Variants in SLC25A48 observed in about 807,000 individuals in gnomAD.
The protein encoded by SLC25A48 is solute carrier family 25 member 48, also known as CTC-321K16.1.
A neutral mutation model predicts 32.2 loss-of-function variants in SLC25A48; 29 were observed. The ratio of observed to expected loss-of-function variants is 0.90; its 90% CI spans 0.67 to 1.23. The LOEUF (loss-of-function observed/expected upper bound fraction) is 1.23, where lower values mean the gene tolerates loss of function less well. Ranked by LOEUF, SLC25A48 falls within the 50% of genes most tolerant of loss-of-function variation. The pLI, the probability that SLC25A48 is intolerant of heterozygous loss-of-function variation, is 0.00. For missense variants in SLC25A48, 399 were observed against 422.7 expected (o/e 0.94, Z 0.49); for synonymous variants, 164 against 172.3 (o/e 0.95, Z 0.38).
intron 3 of SLC25A48, among the ~76,000 whole-genome samples, chr5:135,695,141 C>T (rs2126961279): frequency 6.6e-6 from 1 of 152,128 alleles, no homozygotes; most frequent in African/African-American, 2.4e-5. Context: ...TCCCTGGATA[C>T]TTGCGGGGTG....
At chr5:135,836,656 T>C (rs1025287206) in intron 1 of SLC25A48, among the ~76,000 whole-genome samples, 5 of 152,212 alleles carry the variant, frequency 3.3e-5, no homozygotes, top group Non-Finnish European at 7.3e-5. Flanking sequence ...TTCTGTAAAT[T>C]TGCCTTTCCT....
chr5:135,831,427 A>G (rs376234162), upstream of SLC25A48, among the ~76,000 whole-genome samples: 2 of 152,238 alleles, frequency 1.3e-5, no homozygotes, highest in Non-Finnish European at 2.9e-5. Flanking sequence ...CACAGTCTGG[A>G]TGGGAAGACA....
intron 3 of SLC25A48, among the ~76,000 whole-genome samples, chr5:135,652,155 A>T (rs1243954386): frequency 6.6e-6 from 1 of 152,204 alleles, no homozygotes; most frequent in African/African-American, 2.4e-5. Context: ...CCCCTTATAA[A>T]GGCTGTACTA....
At chr5:135,594,638 C>T (rs534834872) in intron 1 of SLC25A48, among the ~76,000 whole-genome samples, 4 of 152,314 alleles carry the variant, frequency 2.6e-5, no homozygotes, top group African/African-American at 9.6e-5. Flanking sequence ...CCTAACTGTT[C>T]TTCCTCTTGG....
chr5:135,750,833 T>G (rs781194941), intron 3 of SLC25A48, among the ~76,000 whole-genome samples: 5 of 152,160 alleles, frequency 3.3e-5, no homozygotes, highest in Non-Finnish European at 7.3e-5. Context: ...CTCAGGCATG[T>G]GACTTATTTT....
At chr5:135,823,009 A>G (rs1188359271) in intron 4 of SLC25A48, among the ~76,000 whole-genome samples, 1 of 152,082 alleles carries the variant, frequency 6.6e-6, no homozygotes, top group Non-Finnish European at 1.5e-5. Context: ...CTGGCAGTCT[A>G]TGGGCCAGTA....
intron 5 of SLC25A48, chr5:135,872,037 C>A: frequency 1.6e-6 from 2 of 1,254,060 alleles, no homozygotes; most frequent in Non-Finnish European, 2.0e-6. Flanking sequence ...TAAATGCAAT[C>A]TTTGTAATGT....
At chr5:135,605,129 A>C (rs1751903063) in intron 1 of SLC25A48, among the ~76,000 whole-genome samples, 1 of 152,240 alleles carries the variant, frequency 6.6e-6, no homozygotes, top group Non-Finnish European at 1.5e-5. Context: ...CACTTATATA[A>C]TTTGTAATAA....
rs2304079 is a variant in SLC25A48 at position 135,871,498 on chromosome 5, G to A, written c.459G>A (p.Ala153=). 100,826 of 1,607,050 alleles carry A rather than the reference G, an allele frequency of 0.063. 4,453 individuals carry two copies. Among genetic ancestry groups the A allele is most frequent in the East Asian group, 0.29 (12,740 of 44,684 alleles). The part of the protein sequence containing the change: ...LGLKSRAVAP[A]EQPAYQGPVH... ...TGAAGTCCAGGGCAGTGGCTCCTGC[G>A]GAGCAGCCAGCATACCAGGGGCCAG... Residue 153 remains alanine, a synonymous_variant, in exon 5 of 8, where the codon GCG becomes GCA. Coordinates refer to ENST00000681962, the MANE Select transcript of SLC25A48 (RefSeq NM_001349336.2).
At chr5:135,839,652 G>A (rs144192446) in intron 1 of SLC25A48, among the ~76,000 whole-genome samples, 105 of 152,264 alleles carry the variant, frequency 6.9e-4, no homozygotes, top group African/African-American at 2.5e-3. Context: ...TTTGGGAGGG[G>A]CCAGGAGTGG....
At chr5:135,614,187 A>AT (rs1752136348) in intron 1 of SLC25A48, among the ~76,000 whole-genome samples, 1 of 151,762 alleles carries the variant, frequency 6.6e-6, no homozygotes, top group Admixed American at 6.6e-5. Flanking sequence ...TAGGTATTTT[A>AT]TTTTTTGTAG....
At chr5:135,650,940 C>A (rs1465185010) in intron 3 of SLC25A48, among the ~76,000 whole-genome samples, 1 of 152,206 alleles carries the variant, frequency 6.6e-6, no homozygotes, top group Non-Finnish European at 1.5e-5. Flanking sequence ...CTGCCTTCCT[C>A]TCTGGCGCCA....
intron 3 of SLC25A48, among the ~76,000 whole-genome samples, chr5:135,701,285 G>A (rs1754390973): frequency 6.6e-6 from 1 of 152,156 alleles, no homozygotes; most frequent in Non-Finnish European, 1.5e-5. Context: ...CAGTGACATG[G>A]CTAGTGATGG....
chr5:135,854,270 G>T (rs182244747), intron 4 of SLC25A48, among the ~76,000 whole-genome samples: 11 of 152,316 alleles, frequency 7.2e-5, no homozygotes, highest in African/African-American at 2.4e-4. Flanking sequence ...CCTAACAAGA[G>T]AGTCAGCCTG....
intron 7 of SLC25A48, among the ~76,000 whole-genome samples, chr5:135,881,410 C>T (rs1419375499): frequency 6.6e-6 from 1 of 152,234 alleles, no homozygotes; most frequent in Non-Finnish European, 1.5e-5. Flanking sequence ...ATCAGGCAGA[C>T]TGTAGTCAGC....
At chr5:135,810,778 C>CCTTCGCTTTTTATTAGGGAACGT (rs1757574494) in intron 3 of SLC25A48, among the ~76,000 whole-genome samples, 1 of 152,184 alleles carries the variant, frequency 6.6e-6, no homozygotes, top group Non-Finnish European at 1.5e-5. Flanking sequence ...TCACTGAACG[C>CCTTCGCTTTTTATTAGGGAACGT]CTTCGCTTTT....
At chr5:135,661,459 G>A (rs1410702165) in intron 3 of SLC25A48, among the ~76,000 whole-genome samples, 6 of 152,174 alleles carry the variant, frequency 3.9e-5, no homozygotes, top group African/African-American at 1.4e-4. Flanking sequence ...ACCTGAGCCA[G>A]CAGCCTTGGG....
At chr5:135,654,980 G>A (rs963339158) in intron 3 of SLC25A48, among the ~76,000 whole-genome samples, 7 of 152,196 alleles carry the variant, frequency 4.6e-5, no homozygotes, top group African/African-American at 7.2e-5. Context: ...TCCATCTGTC[G>A]GAGTCAGTGT....
chr5:135,691,165 G>A (rs1754135374), intron 3 of SLC25A48, among the ~76,000 whole-genome samples: 1 of 152,186 alleles, frequency 6.6e-6, no homozygotes, highest in African/African-American at 2.4e-5. Context: ...GAATCAAGCT[G>A]GTTATTAAAG....
Sources: gnomAD v4.1 joint callset for allele counts (sites outside exome capture counted in the v4.1 genomes callset) on GRCh38, gnomAD v4.1.1 for gene constraint, MANE v1.5 for transcripts, NCBI Gene and HGNC (gene_info 2026-07-23, HGNC 2026-07-21) for gene names.